Variants in MYBPC1 observed in about 807,000 individuals in gnomAD.
MYBPC1 encodes the protein myosin-binding protein C, slow-type.
MYBPC1 carries 52 observed loss-of-function variants against 147.1 expected under a neutral mutation model. The observed-to-expected ratio is 0.35, with a 90% CI of 0.28 to 0.45. MYBPC1 has a LOEUF of 0.45. MYBPC1 is among the 20% of genes least tolerant of loss of function. MYBPC1 has a pLI of 1.00. For synonymous variants in MYBPC1, 477 were observed against 475.9 expected (o/e 1.00, Z -0.03); for missense variants, 1,228 against 1,440.3 (o/e 0.85, Z 2.39).
Position 101,682,578 on chromosome 12 carries a change from C to T in MYBPC1, c.3434-26C>T, listed in dbSNP as rs774422482. ...AATGTCAACTGAGAATAAATAAATA[C>T]TGGTACAAATATTCTGATTCTGCAG... On this transcript the variant is annotated intron_variant, in intron 29 of 31. Coordinates refer to ENST00000361466, the MANE Select transcript of MYBPC1 (RefSeq NM_002465.4). 4 of 1,596,150 alleles carry T rather than the reference C, an allele frequency of 2.5e-6. No individual in the cohort carries two copies. In the South Asian group the frequency reaches 4.4e-5, roughly 18 times the overall value.
Position 101,615,662 on chromosome 12 carries a change from GC to G in MYBPC1, c.61+1141del, listed in dbSNP as rs200320748. Reference sequence around the variant, plus strand: ...TTAGGCAATATTATAAGAACCCCCCGCCCCCCCCCCGCCCCCCCACACCAAG... The same window carrying G: ...TTAGGCAATATTATAAGAACCCCCCGCCCCCCCCCGCCCCCCCACACCAAG... On this transcript the variant is annotated intron_variant, in intron 2 of 31. Coordinates refer to ENST00000361466, the MANE Select transcript of MYBPC1 (RefSeq NM_002465.4). Among the ~76,000 whole-genome samples the G allele has an allele frequency of 4.4e-3, 190 of 43,462 alleles. 2 individuals carry two copies. Among genetic ancestry groups the G allele is most frequent in the East Asian group, 0.037 (23 of 616 alleles). 28.5% of individuals were successfully genotyped at this position (43,462 alleles called of 152,430 possible).
In MYBPC1 at chr12:101,678,129, A is replaced by T; in HGVS notation, c.3137A>T (p.Glu1046Val). 6.2e-7 allele frequency: 1 copy of T among 1,613,906 alleles called. No individual in the cohort carries two copies. The highest frequency in any genetic ancestry group is 8.5e-7 in the Non-Finnish European group (1 of 1,179,760). The change falls in exon 28 of 32, where the codon GAA becomes GTA. Residue 1046 changes from glutamate (E) to valine (V), a missense_variant. Coordinates refer to ENST00000361466, the MANE Select transcript of MYBPC1 (RefSeq NM_002465.4). Reference protein sequence around the residue: ...DGKIYKNPVYEDFDFSEAPMF... With the variant: ...DGKIYKNPVYVDFDFSEAPMF... The stretch of plus-strand genomic sequence containing the variant: ...AAAATCTACAAAAATCCAGTGTATG[A>T]AGACTTTGATTTCTCAGAGGCACCC...
Position 101,685,784 on chromosome 12 carries a change from C to A in MYBPC1, c.*222C>A. 7.7e-6 allele frequency: 5 copies of A among 646,956 alleles called. No homozygotes were observed. The highest frequency in any genetic ancestry group is 2.6e-5 in the South Asian group (1 of 38,074). The allele number at this position is 646,956 out of a possible 1,614,324, so 40.1% of individuals were successfully genotyped here. A position where few individuals can be genotyped will look rare whatever the true frequency, so the allele number is the denominator to read the frequency against. On this transcript the variant is annotated 3_prime_UTR_variant, in exon 32 of 32. Transcript: ENST00000361466. ...TTCCCACCAGGCCCCCAAGTGTGGT[C>A]TTTTTCTTTCCTCCTAATGTTGAAG...
At chr12:101,633,763 G>T (rs1027417024) in intron 8 of MYBPC1, among the ~76,000 whole-genome samples, 1 of 151,994 alleles carries the variant, frequency 6.6e-6, no homozygotes, top group East Asian at 1.9e-4. Flanking sequence ...GTCCCACTGA[G>T]AGTGATGTCA....
intron 30 of MYBPC1, among the ~76,000 whole-genome samples, chr12:101,683,760 G>A (rs1459932687): frequency 6.6e-6 from 1 of 152,078 alleles, no homozygotes; most frequent in Non-Finnish European, 1.5e-5. Context: ...TGTTTTGTGA[G>A]TTTCCAGAGA....
chr12:101,667,730 A>C lies in MYBPC1; in HGVS notation c.2357-2A>C, dbSNP rs779889122. Reference sequence around the variant, plus strand: ...CTTTTCCTTTTCTTTTACGGACTTCAGCTGAGGACTGGATAGTTGCAAACA... The same window carrying C: ...CTTTTCCTTTTCTTTTACGGACTTCCGCTGAGGACTGGATAGTTGCAAACA... On this transcript the variant is annotated splice_acceptor_variant, in intron 22 of 31. Transcript: ENST00000361466. LOFTEE classifies it high-confidence loss of function. 6.2e-7 allele frequency: 1 copy of C among 1,614,120 alleles called. No homozygotes were observed. The highest frequency in any genetic ancestry group is 1.1e-5 in the South Asian group (1 of 91,082).
chr12:101,673,679 T>C, intron 25 of MYBPC1, 57 bp downstream of exon 25: 1 of 1,581,180 alleles, frequency 6.3e-7, no homozygotes, highest in Non-Finnish European at 8.7e-7. Flanking sequence ...GGATGAATTG[T>C]CCTTGTCCCT....
rs148369682 is a variant in MYBPC1 at position 101,675,372 on chromosome 12, G to T, written c.2890G>T (p.Asp964Tyr). 6.2e-7 allele frequency: 1 copy of T among 1,614,136 alleles called. No individual in the cohort carries two copies. The highest frequency in any genetic ancestry group is 1.3e-5 in the African/African-American group (1 of 75,058). ...NVALTWTPPK[D>Y]DGNAAITGYT... ...CGCTCTCACATGGACTCCACCAAAG[G>T]ATGATGGAAATGCTGCTATCACAGG... Residue 964 changes from aspartate (D) to tyrosine (Y), a missense_variant, in exon 26 of 32, where the codon GAT becomes TAT. This residue lies in a region of MYBPC1 where 1,077 missense variants were observed against 1,314.2 expected (regional missense o/e 0.82). Transcript: ENST00000361466.
chr12:101,599,042 G>A (rs965305738), intron 1 of MYBPC1, among the ~76,000 whole-genome samples: 1 of 152,184 alleles, frequency 6.6e-6, no homozygotes, highest in South Asian at 2.1e-4. Flanking sequence ...TTTGGTGCTT[G>A]TGTGTCATTC....
intron 11 of MYBPC1, among the ~76,000 whole-genome samples, chr12:101,643,990 T>A (rs1423462084): frequency 6.6e-6 from 1 of 152,152 alleles, no homozygotes; most frequent in Non-Finnish European, 1.5e-5. Flanking sequence ...ATAAGGCCAA[T>A]GACACTAACA....
the MYBPC1 span, among the ~76,000 whole-genome samples, chr12:101,693,408 G>GC: frequency 6.6e-6 from 1 of 152,110 alleles, no homozygotes; most frequent in Middle Eastern, 3.4e-3. Context: ...CAGCTTGATG[G>GC]CCCCCCACAA....
chr12:101,595,065 G>A lies in MYBPC1; in HGVS notation c.-6G>A, dbSNP rs1192126158. 6.2e-7 allele frequency: 1 copy of A among 1,613,020 alleles called. No individual in the cohort carries two copies. The highest frequency in any genetic ancestry group is 8.5e-7 in the Non-Finnish European group (1 of 1,179,182). On this transcript the variant is annotated 5_prime_UTR_variant, in exon 1 of 32. In the 5' UTR this introduces an upstream ATG that the reference lacks. Coordinates refer to ENST00000361466, the MANE Select transcript of MYBPC1 (RefSeq NM_002465.4). ...ACTCTTTAAAGAATAACATCTTATT[G>A]TGGCCATGCCAGAACCCACTAAGAA...
At chr12:101,599,308 TG>T (rs1274656279) in intron 1 of MYBPC1, among the ~76,000 whole-genome samples, 2 of 145,820 alleles carry the variant, frequency 1.4e-5, no homozygotes, top group African/African-American at 4.9e-5. Flanking sequence ...AGAACAGTTT[TG>T]TTGTTGTTGT....
At chr12:101,629,966 TACAGCC>T (rs1889548318) in intron 6 of MYBPC1, among the ~76,000 whole-genome samples, 1 of 152,208 alleles carries the variant, frequency 6.6e-6, no homozygotes, top group Non-Finnish European at 1.5e-5. Context: ...CGCAATGTTG[TACAGCC>T]ACTACTTCTA....
intron 1 of MYBPC1, among the ~76,000 whole-genome samples, chr12:101,595,379 G>A (rs774794557): frequency 3.3e-5 from 5 of 152,072 alleles, no homozygotes; most frequent in African/African-American, 9.7e-5. Flanking sequence ...TGTAATTTAA[G>A]GATGTTAATT....
At chr12:101,693,148 G>C in the MYBPC1 span, among the ~76,000 whole-genome samples, 3 of 151,908 alleles carry the variant, frequency 2.0e-5, no homozygotes, top group South Asian at 2.1e-4. Flanking sequence ...GGGCTTCACC[G>C]TGTTAGCCAG....
At chr12:101,613,841 G>C (rs1385668982) in intron 1 of MYBPC1, among the ~76,000 whole-genome samples, 3 of 152,154 alleles carry the variant, frequency 2.0e-5, no homozygotes, top group Non-Finnish European at 2.9e-5. Flanking sequence ...GCTTAATTCT[G>C]TTTCCCAGTG....
Position 101,653,181 on chromosome 12 carries a change from A to G in MYBPC1, c.1700A>G (p.Lys567Arg). Residue 567 changes from lysine (K) to arginine (R), a missense_variant, in exon 18 of 32, where the codon AAG becomes AGG. Coordinates refer to ENST00000361466, the MANE Select transcript of MYBPC1 (RefSeq NM_002465.4). ...DNTVTVIAGN[K>R]LRLEIPISGE... ...ACAGTGACAGTGATTGCAGGAAACAAGCTTCGTCTTGAGATCCCCATCAGC... is the reference window on the plus strand; with the variant it reads ...ACAGTGACAGTGATTGCAGGAAACAGGCTTCGTCTTGAGATCCCCATCAGC... 1 of 1,614,180 alleles carries G rather than the reference A, an allele frequency of 6.2e-7. No homozygotes were observed. The highest frequency in any genetic ancestry group is 8.5e-7 in the Non-Finnish European group (1 of 1,180,034).
rs1181159388 is a variant in MYBPC1 at position 101,667,813 on chromosome 12, T to A, written c.2438T>A (p.Ile813Asn). The change falls in exon 23 of 32, where the codon ATC (isoleucine) becomes AAC (asparagine). Residue 813 changes from isoleucine (I) to asparagine (N), a missense_variant. Around this residue, in one of 2 missense-constraint regions of MYBPC1, gnomAD observed 1,077 missense variants for 1,314.2 expected, o/e 0.82. Transcript: ENST00000361466. ...TITGLPTDAK[I>N]FVRVKAVNAA... The stretch of plus-strand genomic sequence containing the variant: ...ACAGGTCTGCCAACAGATGCAAAGA[T>A]CTTTGTGCGTGTGAAGGCTGTTAAT... 2 of 1,614,060 alleles carry A rather than the reference T, an allele frequency of 1.2e-6. No homozygotes were observed. The highest frequency in any genetic ancestry group is 1.3e-5 in the African/African-American group (1 of 74,922).
Sources: allele counts gnomAD v4.1 joint callset (sites outside exome capture counted in the v4.1 genomes callset), GRCh38; gene constraint gnomAD v4.1.1; regional missense constraint gnomAD v4.1.1; transcripts MANE v1.5; gene names NCBI Gene and HGNC (gene_info 2026-07-23, HGNC 2026-07-21).